Variants in SEPTIN8 observed in about 807,000 individuals in gnomAD.
SEPTIN8 encodes the protein septin-8.
Under a neutral mutation model 53.1 loss-of-function variants are expected in SEPTIN8, and 22 were observed. That is an observed-to-expected ratio of 0.41 (90% confidence interval 0.30 to 0.59). The LOEUF (loss-of-function observed/expected upper bound fraction) is 0.59. Ranked by LOEUF, SEPTIN8 falls within the 20% of genes least tolerant of loss-of-function variation. SEPTIN8 has a pLI of 0.24. For missense variants in SEPTIN8, 536 were observed against 638.7 expected, an observed-to-expected ratio of 0.84 and a Z score of 1.73; for synonymous variants, 228 against 248.4, an observed-to-expected ratio of 0.92 and a Z score of 0.77.
At chr5:132,756,129 G>A (rs935110213) in intron 9 of SEPTIN8, 160 of 985,280 alleles carry the variant, frequency 1.6e-4, no homozygotes, top group Non-Finnish European at 1.8e-4. Flanking sequence ...GCATGTTAAC[G>A]TAACAGACTA....
intron 1 of SEPTIN8, among the ~76,000 whole-genome samples, chr5:132,766,071 T>C (rs1196601080): frequency 6.6e-6 from 1 of 152,194 alleles, no homozygotes; most frequent in Non-Finnish European, 1.5e-5. Context: ...TCAGCTGGGC[T>C]CGTAGCCCTC....
intron 1 of SEPTIN8, among the ~76,000 whole-genome samples, chr5:132,767,904 T>A (rs111602622): frequency 2.0e-5 from 3 of 149,456 alleles, no homozygotes; most frequent in African/African-American, 4.9e-5. Context: ...CATCCTGTAG[T>A]CTGCCGCCAA....
chr5:132,778,104 G>A, upstream of SEPTIN8: 3 of 984,882 alleles, frequency 3.0e-6, no homozygotes, highest in Non-Finnish European at 3.6e-6. Flanking sequence ...GGAGGCCTCA[G>A]GAGGTTCTGT....
intron 1 of SEPTIN8, among the ~76,000 whole-genome samples, chr5:132,766,471 G>T (rs553251736): frequency 6.6e-6 from 1 of 152,354 alleles, no homozygotes; most frequent in South Asian, 2.1e-4. Flanking sequence ...TCCAACTTGT[G>T]TGGCTGGTTT....
chr5:132,765,611 A>T (rs1756503494), intron 1 of SEPTIN8, 82 bp from the exon 2 acceptor site: 10 of 1,468,386 alleles, frequency 6.8e-6, no homozygotes, highest in Admixed American at 2.3e-5. Context: ...AATCTGAGTT[A>T]AAACAGTGAA....
rs1443720298 is a variant in SEPTIN8, at chr5:132,753,016, T to G, written c.1287-835A>C. ...GGCTTTCAGAGCATAGTGTGAAACC[T>G]CCTTGCTTGGACTACCATGAGTTCT... On this transcript the variant is annotated intron_variant, in intron 9 of 9. Transcript: ENST00000378719. The G allele has an allele frequency of 3.4e-6, 5 of 1,454,960 alleles. No individual in the cohort carries two copies. In the East Asian group the frequency reaches 6.8e-5, roughly 20 times the overall value. The allele number at this position is 1,454,960 out of a possible 1,614,324, so 90.1% of individuals were successfully genotyped here.
At chr5:132,779,214 CTA>C (rs1757995975), upstream of SEPTIN8, among the ~76,000 whole-genome samples, 1 of 152,168 alleles carries the variant, frequency 6.6e-6, no homozygotes, top group Non-Finnish European at 1.5e-5. Flanking sequence ...TGAGAATTAT[CTA>C]TGAGGGCTCA....
At position 132,760,983 on chromosome 5, in the gene SEPTIN8, T is replaced by C; in HGVS notation, c.1105A>G (p.Lys369Glu). 6.3e-7 allele frequency: 1 copy of C among 1,580,142 alleles called. No homozygotes were observed. The highest frequency in any genetic ancestry group is 8.6e-7 in the Non-Finnish European group (1 of 1,163,792). ...LKEKERELHE[K>E]FEHLKRVHQE... Reference sequence around the variant, plus strand: ...TGGACCCGCTTCAGGTGCTCAAACTTCTCATGGAGCTGGCATCAGAAAGGG... The same window carrying C: ...TGGACCCGCTTCAGGTGCTCAAACTCCTCATGGAGCTGGCATCAGAAAGGG... Residue 369 changes from lysine (K) to glutamate (E), a missense_variant, in exon 9 of 10, where the codon AAG becomes GAG. Lys to Glu is a moderately conservative substitution (Grantham distance 56). Around this residue, in one of 3 missense-constraint regions of SEPTIN8, gnomAD observed 133 missense variants for 157.4 expected, o/e 0.84. Coordinates refer to ENST00000378719, the MANE Select transcript of SEPTIN8 (RefSeq NM_001098811.2). The surrounding 1 kb of genome is among the most constrained non-coding windows in gnomAD (Gnocchi z 5.2).
At chr5:132,770,106 T>G (rs1334347667) in intron 1 of SEPTIN8, among the ~76,000 whole-genome samples, 1 of 23,864 alleles carries the variant, frequency 4.2e-5, no homozygotes, top group Non-Finnish European at 6.5e-5. Context: ...TATATGTATA[T>G]ATGTATATAT....
intron 9 of SEPTIN8, chr5:132,757,500 C>A: frequency 1.0e-6 from 1 of 985,526 alleles, no homozygotes; most frequent in African/African-American, 1.7e-5. Context: ...GCATGAAAAG[C>A]AAACTACCAA....
chr5:132,762,909 C>A lies in SEPTIN8; in HGVS notation c.535-264G>T, dbSNP rs932005530. On this transcript the variant is annotated intron_variant, in intron 4 of 9. Coordinates refer to ENST00000378719, the MANE Select transcript of SEPTIN8 (RefSeq NM_001098811.2). ...CACCATCCAGCCCCAAAACTGGTCC[C>A]CCTAGGCATACCCAGCTTTGACCCA... Among the ~76,000 whole-genome samples, 7 of 152,178 alleles carry A rather than the reference C, an allele frequency of 4.6e-5. No homozygotes were observed. The East Asian group carries it at 1.2e-3, about 25-fold the overall frequency.
In SEPTIN8 at chr5:132,769,987, A is replaced by C. The variant is rs555237182; in HGVS notation, c.31-4458T>G. Among the ~76,000 whole-genome samples, 5 of 17,100 alleles carry C rather than the reference A, an allele frequency of 2.9e-4. No individual in the cohort carries two copies. The East Asian group carries it at 3.5e-3, about 12-fold the overall frequency. The allele number at this position is 17,100 out of a possible 152,430, so 11.2% of individuals were successfully genotyped here. On this transcript the variant is annotated intron_variant, in intron 1 of 9. Coordinates refer to ENST00000378719, the MANE Select transcript of SEPTIN8 (RefSeq NM_001098811.2). ...AAAATCTCTCTCTATATATACATATATATATATATATATATATATATATAT... is the reference window on the plus strand; with the variant it reads ...AAAATCTCTCTCTATATATACATATCTATATATATATATATATATATATAT...
At position 132,763,738 on chromosome 5, in the gene SEPTIN8, C is replaced by T. The variant is rs753535056; in HGVS notation, c.502G>A (p.Asp168Asn). The change falls in exon 4 of 10, where the codon GAT becomes AAT. Residue 168 changes from aspartate to asparagine, a missense_variant. This residue lies in a region of SEPTIN8 where 395 missense variants were observed against 451.8 expected (regional missense o/e 0.87). Transcript: ENST00000378719. ...TCTAGTTTCTTCATGGTCACTAGAT[C>T]TAGAGACTTCAGGGAGTGCCCTGTG... The part of the protein sequence containing the change: ...TPTGHSLKSL[D>N]LVTMKKLDSK... 1 of 1,614,058 alleles carries T rather than the reference C, an allele frequency of 6.2e-7. No individual in the cohort carries two copies. The highest frequency in any genetic ancestry group is 8.5e-7 in the Non-Finnish European group (1 of 1,180,024).
At chr5:132,758,503 T>A (rs1477166937) in intron 9 of SEPTIN8, 1 of 1,613,158 alleles carries the variant, frequency 6.2e-7, no homozygotes, top group Admixed American at 1.7e-5. Flanking sequence ...GAGCGGCACA[T>A]AACAGCTCCG....
At chr5:132,758,983 G>A (rs1398334805) in intron 9 of SEPTIN8, 15 of 777,376 alleles carry the variant, frequency 1.9e-5, no homozygotes, top group African/African-American at 6.9e-5. Context: ...CTCAGTTTGT[G>A]GTGTCCCAGG....
chr5:132,769,428 C>A (rs1358056560), intron 1 of SEPTIN8, among the ~76,000 whole-genome samples: 1 of 152,206 alleles, frequency 6.6e-6, no homozygotes, highest in Non-Finnish European at 1.5e-5. Flanking sequence ...ACATCAGATC[C>A]TTGACCTCAG....
At chr5:132,764,034 G>A in intron 3 of SEPTIN8, 142 bp from the exon 4 acceptor site, 1 of 987,490 alleles carries the variant, frequency 1.0e-6, no homozygotes, top group Non-Finnish European at 1.5e-6. Context: ...TCCCTGACTG[G>A]ATACAGGCAG....
Position 132,752,227 on chromosome 5 carries a change from CTG to C in SEPTIN8, c.1287-48_1287-47del, listed in dbSNP as rs1754907041. On this transcript the variant is annotated intron_variant, in intron 9 of 9. Transcript: ENST00000378719. ...CATCAACTTTGCCCCAGACCAGGCT[CTG>C]TGTTTTGCCCCTTTAGCTGACACAC... is the stretch of plus-strand genomic sequence containing the variant. The C allele has an allele frequency of 2.6e-6, 4 of 1,540,744 alleles. No homozygotes were observed. In the African/African-American group the frequency reaches 4.1e-5, roughly 16 times the overall value.
At chr5:132,762,173 C>G (rs891788901) in intron 5 of SEPTIN8, among the ~76,000 whole-genome samples, 8 of 152,200 alleles carry the variant, frequency 5.3e-5, no homozygotes, top group African/African-American at 1.9e-4. Context: ...CCTGAAAGGA[C>G]CTGTGAGCCT....
Sources: allele counts gnomAD v4.1 joint callset (sites outside exome capture counted in the v4.1 genomes callset), GRCh38; gene constraint gnomAD v4.1.1; regional missense constraint gnomAD v4.1.1; non-coding constraint Gnocchi (gnomAD v3.1); transcripts MANE v1.5; gene names NCBI Gene and HGNC (gene_info 2026-07-23, HGNC 2026-07-21).